RAPGEF5: variants seen among roughly 807,000 people sequenced by gnomAD.
RAPGEF5 encodes Rap guanine nucleotide exchange factor 5.
RAPGEF5 carries 65 observed loss-of-function variants against 125.2 expected under a neutral mutation model. The observed-to-expected ratio is 0.52, with a 90% confidence interval of 0.43 to 0.64. The LOEUF is 0.64. Ranked by LOEUF, RAPGEF5 falls within the 30% of genes least tolerant of loss-of-function variation. The pLI, the probability that RAPGEF5 is intolerant of heterozygous loss-of-function variation, is 0.00. For missense variants in RAPGEF5, 958 were observed against 1,048.1 expected, an observed-to-expected ratio of 0.91 and a Z score of 1.19; for synonymous variants, 391 against 385.9, an observed-to-expected ratio of 1.01 and a Z score of -0.16.
intron 6 of RAPGEF5, among the ~76,000 whole-genome samples, chr7:22,276,129 A>T (rs1782549383): frequency 6.6e-6 from 1 of 152,242 alleles, no homozygotes; most frequent in African/African-American, 2.4e-5. Context: ...TATATTAGAC[A>T]TTTTAATTTT....
At chr7:22,288,690 T>C (rs976389066) in intron 6 of RAPGEF5, among the ~76,000 whole-genome samples, 1 of 151,962 alleles carries the variant, frequency 6.6e-6, no homozygotes, top group African/African-American at 2.4e-5. Context: ...GCCCAGCTAA[T>C]TTTTTGTATT....
chr7:22,250,283 C>A (rs62447589), intron 7 of RAPGEF5, among the ~76,000 whole-genome samples: 2 of 152,046 alleles, frequency 1.3e-5, no homozygotes, highest in Non-Finnish European at 2.9e-5. Flanking sequence ...TAGCTAGAAC[C>A]AGGGCTTGCT....
chr7:22,213,400 T>C (rs1426651008), intron 9 of RAPGEF5, among the ~76,000 whole-genome samples: 1 of 152,228 alleles, frequency 6.6e-6, no homozygotes, highest in Non-Finnish European at 1.5e-5. Context: ...TGCCAGATTT[T>C]ACTTCCCTCT....
intron 7 of RAPGEF5, among the ~76,000 whole-genome samples, chr7:22,243,093 C>T (rs1376848448): frequency 6.6e-6 from 1 of 152,098 alleles, no homozygotes; most frequent in African/African-American, 2.4e-5. Context: ...CATTTCCCCT[C>T]TACATTTCAG....
chr7:22,119,092 T>C lies in RAPGEF5; in HGVS notation c.*3314A>G, dbSNP rs915281657. On this transcript the variant is annotated 3_prime_UTR_variant, in exon 26 of 26. Coordinates refer to ENST00000665637, the MANE Select transcript of RAPGEF5 (RefSeq NM_012294.5). The surrounding 1 kb of genome is among the most constrained non-coding windows in gnomAD (Gnocchi z 4.1). ...GGCTGCGCCATTTAGGAACATTCAG[T>C]TCCGGATCTGCGGTGTCTGTGCTGG... The C allele has an allele frequency of 2.6e-5, 4 of 152,214 alleles. No individual in the cohort carries two copies. Among genetic ancestry groups the C allele is most frequent in the African/African-American group, 4.8e-5 (2 of 41,442 alleles). 9.4% of individuals were successfully genotyped at this position (152,214 alleles called of 1,614,324 possible). A position where few individuals can be genotyped will look rare whatever the true frequency, so the allele number is the denominator to read the frequency against.
intron 6 of RAPGEF5, among the ~76,000 whole-genome samples, chr7:22,282,225 A>G (rs972441486): frequency 1.3e-5 from 2 of 152,128 alleles, no homozygotes; most frequent in African/African-American, 4.8e-5. Context: ...TCACCTCTAC[A>G]TGGTAAGCTC....
intron 1 of RAPGEF5, among the ~76,000 whole-genome samples, chr7:22,348,981 G>A (rs1784278717): frequency 6.6e-6 from 1 of 151,654 alleles, no homozygotes; most frequent in South Asian, 2.1e-4. Flanking sequence ...CAGGTACTTG[G>A]GAGGGAGGCT....
At chr7:22,219,417 T>C (rs1182013553) in intron 9 of RAPGEF5, among the ~76,000 whole-genome samples, 1 of 150,480 alleles carries the variant, frequency 6.6e-6, no homozygotes, top group African/African-American at 2.4e-5. Context: ...CTATAATCTC[T>C]TTTTGTGTTT....
chr7:22,259,082 G>A (rs1283505249), intron 7 of RAPGEF5, among the ~76,000 whole-genome samples: 1 of 152,130 alleles, frequency 6.6e-6, no homozygotes, highest in Non-Finnish European at 1.5e-5. Context: ...GGCAAGCTAT[G>A]GAGAGAAAAT....
At chr7:22,139,125 T>C (rs975966931) in intron 21 of RAPGEF5, among the ~76,000 whole-genome samples, 1 of 152,146 alleles carries the variant, frequency 6.6e-6, no homozygotes, top group Non-Finnish European at 1.5e-5. Flanking sequence ...GAGAAAAAGA[T>C]AGCTGGCCTA....
intron 6 of RAPGEF5, among the ~76,000 whole-genome samples, chr7:22,273,682 T>C (rs1478450008): frequency 6.6e-6 from 1 of 152,224 alleles, no homozygotes. Context: ...ATTTTAAACG[T>C]CTATTAAGTC....
intron 11 of RAPGEF5, among the ~76,000 whole-genome samples, chr7:22,181,114 G>GA (rs1784659284): frequency 6.6e-6 from 1 of 152,228 alleles, no homozygotes; most frequent in Non-Finnish European, 1.5e-5. Context: ...CCAAAATTAG[G>GA]ATGAAAAGAT....
chr7:22,137,782 G>C (rs190824998), intron 21 of RAPGEF5, among the ~76,000 whole-genome samples: 1 of 152,154 alleles, frequency 6.6e-6, no homozygotes, highest in East Asian at 1.9e-4. Context: ...AAAAGTACAC[G>C]GTCCTTGGCT....
intron 8 of RAPGEF5, among the ~76,000 whole-genome samples, chr7:22,222,382 A>T (rs774095884): frequency 1.3e-5 from 2 of 152,234 alleles, no homozygotes; most frequent in Non-Finnish European, 2.9e-5. Flanking sequence ...TGAAGGCATT[A>T]TTAAGATAAA....
intron 7 of RAPGEF5, among the ~76,000 whole-genome samples, chr7:22,243,350 G>A (rs544104092): frequency 6.6e-6 from 1 of 152,250 alleles, no homozygotes; most frequent in East Asian, 1.9e-4. Context: ...ACTGTCTCCC[G>A]GATTCAAGTG....
chr7:22,193,755 G>C, intron 10 of RAPGEF5, 160 bp downstream of exon 10: 2 of 1,569,196 alleles, frequency 1.3e-6, no homozygotes, highest in Non-Finnish European at 1.7e-6. Flanking sequence ...TGGCTGCTAA[G>C]AGCTCTGCAG....
intron 7 of RAPGEF5, among the ~76,000 whole-genome samples, chr7:22,249,142 T>A (rs1786553808): frequency 6.6e-6 from 1 of 152,204 alleles, no homozygotes; most frequent in Non-Finnish European, 1.5e-5. Context: ...GGATATGGCT[T>A]AGTTCAGATA....
intron 6 of RAPGEF5, among the ~76,000 whole-genome samples, chr7:22,286,105 G>T (rs1050107832): frequency 1.3e-5 from 2 of 152,296 alleles, no homozygotes; most frequent in African/African-American, 4.8e-5. Flanking sequence ...TTAAGAGAGA[G>T]ACATCAGTAG....
chr7:22,220,404 T>C (rs754161224), intron 8 of RAPGEF5, among the ~76,000 whole-genome samples: 13 of 152,080 alleles, frequency 8.5e-5, no homozygotes, highest in African/African-American at 1.2e-4. Context: ...GCCCTAAAAA[T>C]AACAATATGC....
Sources: gnomAD v4.1 joint callset for allele counts (sites outside exome capture counted in the v4.1 genomes callset) on GRCh38, gnomAD v4.1.1 for gene constraint, Gnocchi (gnomAD v3.1) non-coding constraint, MANE v1.5 for transcripts, NCBI Gene and HGNC (gene_info 2026-07-23, HGNC 2026-07-21) for gene names.